The following PTPRK variants were observed in gnomAD, a reference collection of about 807,000 sequenced individuals.
PTPRK encodes protein tyrosine phosphatase receptor type K, also known as receptor-type tyrosine-protein phosphatase kappa.
In PTPRK, 75 loss-of-function variants were observed where a neutral mutation model predicts 178.0. That is an observed-to-expected ratio of 0.42 (90% CI 0.35 to 0.51). The LOEUF is 0.51. Ranked by LOEUF, PTPRK falls within the 20% of genes least tolerant of loss-of-function variation. The pLI is 0.02. For synonymous variants in PTPRK, 637 were observed against 620.6 expected (o/e 1.03, Z -0.39); for missense variants, 1,441 against 1,797.8 (o/e 0.80, Z 3.59).
intron 3 of PTPRK, among the ~76,000 whole-genome samples, chr6:128,313,912 A>C (rs1462336357): frequency 6.6e-6 from 1 of 152,190 alleles, no homozygotes; most frequent in Non-Finnish European, 1.5e-5. Flanking sequence ...CCTTGATAAA[A>C]ATTATCTGAA....
At chr6:128,039,300 A>G (rs1013295263) in intron 13 of PTPRK, among the ~76,000 whole-genome samples, 2 of 152,208 alleles carry the variant, frequency 1.3e-5, no homozygotes. Context: ...AAGTTCAAAA[A>G]TGCAAGCTTC....
intron 2 of PTPRK, among the ~76,000 whole-genome samples, chr6:128,346,825 C>G (rs1436693267): frequency 1.3e-5 from 2 of 152,052 alleles, no homozygotes; most frequent in Non-Finnish European, 2.9e-5. Context: ...CAGCAAAGCA[C>G]TAAACATAAG....
rs187183476 is a variant in PTPRK at position 128,348,238 on chromosome 6, C to T, written c.224-25928G>A. Among the ~76,000 whole-genome samples, 600 of 151,730 alleles carry T rather than the reference C, an allele frequency of 4.0e-3. 3 individuals carry two copies. The highest frequency in any genetic ancestry group is 0.013 in the African/African-American group (550 of 41,430). On this transcript the variant is annotated intron_variant, in intron 2 of 29. Coordinates refer to ENST00000368226, the MANE Select transcript of PTPRK (RefSeq NM_002844.4). ...TTAATCAATTCAGTATATGAAAGAA[C>T]GCAATATTAAGAAACAAATCTGATT...
intron 1 of PTPRK, among the ~76,000 whole-genome samples, chr6:128,415,637 T>C (rs1403941462): frequency 6.6e-6 from 1 of 152,164 alleles, no homozygotes; most frequent in African/African-American, 2.4e-5. Flanking sequence ...CTGAGCAGCA[T>C]CTGAATCCAA....
Position 128,224,528 on chromosome 6 carries a change from C to A in PTPRK, c.694-5432G>T, listed in dbSNP as rs571970733. On this transcript the variant is annotated intron_variant, in intron 5 of 29. Coordinates refer to ENST00000368226, the MANE Select transcript of PTPRK (RefSeq NM_002844.4). ...TACAGACCAGTAGCATCAGCATCAA[C>A]TGGCAGATTGTTACAAATGAAGAGT... Among the ~76,000 whole-genome samples the A allele has an allele frequency of 2.4e-4, 37 of 152,322 alleles. No homozygotes were observed. The East Asian group carries it at 6.4e-3, about 26-fold the overall frequency.
chr6:128,443,404 G>A (rs918294788), intron 1 of PTPRK, among the ~76,000 whole-genome samples: 2 of 152,008 alleles, frequency 1.3e-5, no homozygotes, highest in African/African-American at 4.8e-5. Context: ...AATAGAGGAG[G>A]AAAGAAGAGA....
intron 1 of PTPRK, among the ~76,000 whole-genome samples, chr6:128,469,496 G>A (rs1218573020): frequency 1.3e-5 from 2 of 152,164 alleles, no homozygotes; most frequent in South Asian, 2.1e-4. Context: ...GAGGATAGGA[G>A]AAGAAACAGA....
chr6:128,085,931 T>A (rs150124052), intron 8 of PTPRK, among the ~76,000 whole-genome samples: 147 of 151,326 alleles, frequency 9.7e-4, no homozygotes, highest in Middle Eastern at 3.4e-3. Context: ...CAAAGTAGAT[T>A]CAATAACTTT....
chr6:128,003,191 C>T, intron 15 of PTPRK: 1 of 1,600,428 alleles, frequency 6.2e-7, no homozygotes. Context: ...AGATTTAGGG[C>T]CTCACCTAAC....
chr6:128,280,815 T>G (rs919319863), intron 3 of PTPRK, among the ~76,000 whole-genome samples: 8 of 152,196 alleles, frequency 5.3e-5, no homozygotes, highest in African/African-American at 1.9e-4. Context: ...AAACATATAT[T>G]TAGAAAAATC....
At chr6:128,289,547 A>T (rs908858135) in intron 3 of PTPRK, among the ~76,000 whole-genome samples, 1 of 152,146 alleles carries the variant, frequency 6.6e-6, no homozygotes, top group Non-Finnish European at 1.5e-5. Context: ...AAACCTCTTT[A>T]AAAAATCATA....
At chr6:128,221,829 A>T (rs1463136488) in intron 5 of PTPRK, among the ~76,000 whole-genome samples, 1 of 151,640 alleles carries the variant, frequency 6.6e-6, no homozygotes, top group Non-Finnish European at 1.5e-5. Flanking sequence ...TATATCCAAA[A>T]ATATAAATCC....
At chr6:128,254,888 T>C (rs1817030484) in intron 3 of PTPRK, among the ~76,000 whole-genome samples, 1 of 152,168 alleles carries the variant, frequency 6.6e-6, no homozygotes, top group African/African-American at 2.4e-5. Context: ...TTGGAACTTT[T>C]TGTACAATTA....
intron 7 of PTPRK, among the ~76,000 whole-genome samples, chr6:128,090,736 T>C (rs1238988759): frequency 1.3e-5 from 2 of 152,176 alleles, no homozygotes; most frequent in African/African-American, 4.8e-5. Context: ...GCTTCCCAAG[T>C]GTATTCTTTC....
intron 14 of PTPRK, 40 bp from the exon 15 acceptor site, chr6:128,005,284 G>A (rs1444316361): frequency 1.2e-6 from 2 of 1,604,308 alleles, no homozygotes; most frequent in Non-Finnish European, 1.7e-6. Flanking sequence ...TAGTGTTTGA[G>A]GCTTGCAGGA....
chr6:128,320,363 C>T (rs970870810), intron 3 of PTPRK, among the ~76,000 whole-genome samples: 4 of 152,116 alleles, frequency 2.6e-5, no homozygotes, highest in East Asian at 3.9e-4. Context: ...TATGTTATTT[C>T]GTAGTTACGA....
At chr6:128,073,162 T>G (rs1343735836) in intron 11 of PTPRK, among the ~76,000 whole-genome samples, 1 of 152,112 alleles carries the variant, frequency 6.6e-6, no homozygotes, top group Non-Finnish European at 1.5e-5. Context: ...CTGTTATATT[T>G]TTAGATCCAG....
Position 128,308,812 on chromosome 6 carries a change from ATTC to A in PTPRK, c.495+13224_495+13226del, listed in dbSNP as rs530524434. Reference sequence around the variant, plus strand: ...TTTTTCACTGTCCTTCTGTACATCAATTCTTCTTAAGTTTCATAAACTTTCGCC... The same window carrying A: ...TTTTTCACTGTCCTTCTGTACATCAATTCTTAAGTTTCATAAACTTTCGCC... On this transcript the variant is annotated intron_variant, in intron 3 of 29. Transcript: ENST00000368226. Among the ~76,000 whole-genome samples, 287 of 152,298 alleles carry A rather than the reference ATTC, an allele frequency of 1.9e-3. 1 individual carries two copies. The highest frequency in any genetic ancestry group is 3.1e-3 in the Non-Finnish European group (214 of 68,034).
chr6:128,493,623 CACACACACACACACACACACACAG>C (rs1436184994), intron 1 of PTPRK, among the ~76,000 whole-genome samples: 1 of 134,352 alleles, frequency 7.4e-6, no homozygotes, highest in Non-Finnish European at 1.8e-5. Flanking sequence ...CACACACACA[CACACACACACACACACACACACAG>C]AAACAACTAT....
Sources: gnomAD v4.1 joint callset for allele counts (sites outside exome capture counted in the v4.1 genomes callset) on GRCh38, gnomAD v4.1.1 for gene constraint, MANE v1.5 for transcripts, NCBI Gene and HGNC (gene_info 2026-07-23, HGNC 2026-07-21) for gene names.